Variants in ZFPM2 observed in about 807,000 individuals in gnomAD.
The protein encoded by ZFPM2 is zinc finger protein, FOG family member 2.
Under a neutral mutation model 98.6 loss-of-function variants are expected in ZFPM2, and 20 were observed. The observed-to-expected ratio is 0.20, with a 90% CI of 0.14 to 0.29. ZFPM2 has a LOEUF of 0.29. Ranked by LOEUF, ZFPM2 falls within the 10% of genes least tolerant of loss-of-function variation. The pLI is 1.00. For synonymous variants in ZFPM2, 518 were observed against 502.7 expected, an observed-to-expected ratio of 1.03 and a Z score of -0.41; for missense variants, 1,310 against 1,388.6, an observed-to-expected ratio of 0.94 and a Z score of 0.90.
At chr8:105,572,833 G>C (rs1815387172) in intron 4 of ZFPM2, among the ~76,000 whole-genome samples, 1 of 152,104 alleles carries the variant, frequency 6.6e-6, no homozygotes. Flanking sequence ...CCTTGTCCCA[G>C]CTTGACAAAA....
chr8:105,679,189 A>G (rs1810543373), intron 5 of ZFPM2, among the ~76,000 whole-genome samples: 1 of 152,218 alleles, frequency 6.6e-6, no homozygotes, highest in Non-Finnish European at 1.5e-5. Context: ...ATTTAAAAAA[A>G]TTCAGAAGAT....
chr8:105,442,985 A>G (rs2130205991), intron 2 of ZFPM2, among the ~76,000 whole-genome samples: 1 of 152,176 alleles, frequency 6.6e-6, no homozygotes, highest in South Asian at 2.1e-4. Context: ...CTTCAGAGAA[A>G]GCTAGATAGG....
At chr8:105,740,621 T>C (rs901119392) in intron 5 of ZFPM2, among the ~76,000 whole-genome samples, 1 of 149,746 alleles carries the variant, frequency 6.7e-6, no homozygotes, top group African/African-American at 2.4e-5. Flanking sequence ...AACAATTTCT[T>C]ACAGACCATA....
chr8:105,415,872 A>G (rs949765590), intron 1 of ZFPM2, among the ~76,000 whole-genome samples: 1 of 152,118 alleles, frequency 6.6e-6, no homozygotes, highest in Non-Finnish European at 1.5e-5. Flanking sequence ...TTTGGAAGAA[A>G]TACAAGTTGG....
chr8:105,691,231 C>CTTGTTTTTTTTTTTT (rs1810871707), intron 5 of ZFPM2, among the ~76,000 whole-genome samples: 1 of 67,964 alleles, frequency 1.5e-5, no homozygotes, highest in Non-Finnish European at 2.6e-5. Flanking sequence ...CCCAAAGAGA[C>CTTGTTTTTTTTTTTT]TTTTTTTTTT....
intron 1 of ZFPM2, among the ~76,000 whole-genome samples, chr8:105,404,621 C>T (rs1199115331): frequency 3.3e-5 from 5 of 152,058 alleles, no homozygotes; most frequent in Non-Finnish European, 5.9e-5. Flanking sequence ...CTAACCTCCT[C>T]AGTGAAGGAA....
intron 3 of ZFPM2, among the ~76,000 whole-genome samples, chr8:105,549,103 A>G (rs1273234716): frequency 2.6e-5 from 4 of 152,260 alleles, no homozygotes; most frequent in South Asian, 2.1e-4. Flanking sequence ...GCAAGAAACT[A>G]TGCTCATGAG....
chr8:105,328,340 C>T (rs1812153374), intron 1 of ZFPM2, among the ~76,000 whole-genome samples: 1 of 151,678 alleles, frequency 6.6e-6, no homozygotes, highest in African/African-American at 2.4e-5. Flanking sequence ...TTTAATTTCT[C>T]CTTGAAGAAA....
At chr8:105,419,454 A>C (rs1811750793) in intron 2 of ZFPM2, among the ~76,000 whole-genome samples, 152 bp downstream of exon 2, 2 of 152,072 alleles carry the variant, frequency 1.3e-5, no homozygotes, top group African/African-American at 4.8e-5. Flanking sequence ...TTTTATTTCG[A>C]GGGACATGAG....
chr8:105,797,557 TCA>T (rs1295589537), intron 6 of ZFPM2, among the ~76,000 whole-genome samples: 2 of 152,178 alleles, frequency 1.3e-5, no homozygotes, highest in African/African-American at 2.4e-5. Context: ...TGCAATTCTT[TCA>T]CAGTCTATCC....
Position 105,801,062 on chromosome 8 carries a change from A to G in ZFPM2, c.980A>G (p.Glu327Gly), listed in dbSNP as rs756483978. The change falls in exon 8 of 8, where the codon GAA becomes GGA. Residue 327 changes from glutamate to glycine, a missense_variant. Physicochemically the swap from Glu to Gly is moderately conservative, Grantham distance 98. Transcript: ENST00000407775. ...GTCTCTCTAGGAGTGAAAATGGAAG[A>G]ATTCCTGCCCCCTGGTGCTAGTCTA... is the stretch of plus-strand genomic sequence containing the variant. Reference protein sequence around the residue: ...LNSHSGVKMEEFLPPGASLKC... With the variant: ...LNSHSGVKMEGFLPPGASLKC... 1.9e-6 allele frequency: 3 copies of G among 1,612,358 alleles called. No homozygotes were observed. The highest frequency in any genetic ancestry group is 1.7e-6 in the Non-Finnish European group (2 of 1,178,676).
intron 5 of ZFPM2, among the ~76,000 whole-genome samples, chr8:105,674,350 A>C (rs1159474799): frequency 6.6e-6 from 1 of 152,200 alleles, no homozygotes; most frequent in Non-Finnish European, 1.5e-5. Flanking sequence ...TTGACTGGGA[A>C]GAGCATTGAA....
intron 5 of ZFPM2, among the ~76,000 whole-genome samples, chr8:105,661,181 C>T (rs549811331): frequency 1.3e-5 from 2 of 152,158 alleles, no homozygotes; most frequent in Non-Finnish European, 2.9e-5. Context: ...TAATAAGCTT[C>T]GAAATCCCAA....
chr8:105,788,674 G>T (rs1248645616), intron 5 of ZFPM2, 44 bp from the exon 6 acceptor site: 1 of 1,583,146 alleles, frequency 6.3e-7, no homozygotes, highest in Non-Finnish European at 8.7e-7. Context: ...ACAGACTCAA[G>T]CATCCTATGT....
At chr8:105,351,096 T>C (rs902654391) in intron 1 of ZFPM2, among the ~76,000 whole-genome samples, 1 of 149,622 alleles carries the variant, frequency 6.7e-6, no homozygotes, top group African/African-American at 2.5e-5. Context: ...GGCAGGAGAA[T>C]CGCTTGAACC....
chr8:105,485,975 G>A (rs568907381), intron 3 of ZFPM2, among the ~76,000 whole-genome samples: 1 of 152,174 alleles, frequency 6.6e-6, no homozygotes, highest in African/African-American at 2.4e-5. Flanking sequence ...AGATACTAGA[G>A]CAGGTTCAAT....
chr8:105,426,696 C>T (rs1236429826), intron 2 of ZFPM2, among the ~76,000 whole-genome samples: 4 of 152,218 alleles, frequency 2.6e-5, no homozygotes, highest in Admixed American at 2.6e-4. Context: ...ACCTGTAATC[C>T]TAGCACTTTG....
intron 4 of ZFPM2, among the ~76,000 whole-genome samples, chr8:105,593,320 G>A (rs1460529024): frequency 1.3e-5 from 2 of 151,722 alleles, no homozygotes; most frequent in Admixed American, 6.6e-5. Flanking sequence ...ATTTTAATGA[G>A]GCATAATACT....
intron 3 of ZFPM2, among the ~76,000 whole-genome samples, chr8:105,471,605 A>G (rs528494816): frequency 2.0e-5 from 3 of 152,266 alleles, no homozygotes; most frequent in East Asian, 3.9e-4. Context: ...GTTTCTCTCA[A>G]AGATTCAGCT....
Sources: allele counts gnomAD v4.1 joint callset (sites outside exome capture counted in the v4.1 genomes callset), GRCh38; gene constraint gnomAD v4.1.1; transcripts MANE v1.5; gene names NCBI Gene and HGNC (gene_info 2026-07-23, HGNC 2026-07-21).